Variants in OR52N4 observed in about 807,000 individuals in gnomAD.
The protein encoded by OR52N4 is olfactory receptor 52N4.
In OR52N4, 15 loss-of-function variants were observed where a neutral mutation model predicts 15.0. That is an observed-to-expected ratio of 1.00 (90% CI 0.67 to 1.54). OR52N4 has a LOEUF of 1.54. Ranked by LOEUF, OR52N4 falls within the 40% of genes most tolerant of loss-of-function variation. OR52N4 has a pLI of 0.00. For missense variants in OR52N4, 421 were observed against 394.0 expected (o/e 1.07, Z -0.58); for synonymous variants, 143 against 143.7 (o/e 1.00, Z 0.03).
chr11:5,745,980 G>C, the OR52N4 span, among the ~76,000 whole-genome samples: 2 of 152,226 alleles, frequency 1.3e-5, no homozygotes, highest in Admixed American at 6.5e-5. Context: ...AAACAGAATA[G>C]AGTATTCAGA....
upstream of OR52N4, among the ~76,000 whole-genome samples, chr11:5,750,221 A>G (rs1854161787): frequency 6.6e-6 from 1 of 152,002 alleles, no homozygotes; most frequent in Non-Finnish European, 1.5e-5. Flanking sequence ...ACCTACTTCT[A>G]ACACATGGAT....
At chr11:5,735,349 A>G in the OR52N4 span, among the ~76,000 whole-genome samples, 1 of 152,094 alleles carries the variant, frequency 6.6e-6, no homozygotes, top group African/African-American at 2.4e-5. Flanking sequence ...TGCAAAATAA[A>G]GGATTGTAAT....
the OR52N4 span, chr11:5,736,330 A>G: frequency 0.39 from 227,965 of 590,104 alleles, 47,697 homozygotes; most frequent in Non-Finnish European, 0.45. Context: ...TTAGTTAATA[A>G]ACCTCTGCAT....
chr11:5,737,537 G>T, the OR52N4 span: 2 of 1,529,084 alleles, frequency 1.3e-6, no homozygotes, highest in African/African-American at 2.8e-5. Flanking sequence ...TCCTAAACTG[G>T]ATAGTAAAAT....
At chr11:5,731,556 A>C in the OR52N4 span, among the ~76,000 whole-genome samples, 3 of 152,192 alleles carry the variant, frequency 2.0e-5, no homozygotes, top group East Asian at 1.9e-4. Context: ...CATTTCCCTA[A>C]AACATTACCA....
At chr11:5,728,843 G>A in the OR52N4 span, among the ~76,000 whole-genome samples, 91 of 152,286 alleles carry the variant, frequency 6.0e-4, 2 homozygotes, top group Non-Finnish European at 3.1e-4. Context: ...TATAGGGAGA[G>A]TACTAGTATA....
chr11:5,754,525 ATTAAT>A, intron 1 of OR52N4, among the ~76,000 whole-genome samples, 163 bp from the exon 2 acceptor site: 1 of 146,240 alleles, frequency 6.8e-6, no homozygotes, highest in African/African-American at 2.5e-5. Flanking sequence ...TACTGAATCA[ATTAAT>A]TAATCAATCA....
the OR52N4 span, among the ~76,000 whole-genome samples, chr11:5,748,275 G>C: frequency 6.6e-6 from 1 of 151,868 alleles, no homozygotes; most frequent in Non-Finnish European, 1.5e-5. Context: ...ATAACTTCAA[G>C]TGTTAGAACT....
chr11:5,754,480 G>A (rs1854255027), intron 1 of OR52N4, among the ~76,000 whole-genome samples, 175 bp downstream of exon 1: 1 of 152,070 alleles, frequency 6.6e-6, no homozygotes, highest in South Asian at 2.1e-4. Context: ...ATTGGCATCT[G>A]TGTTGAAAAC....
At position 5,755,710 on chromosome 11, in the gene OR52N4, A is replaced by T. The variant is rs1310779292; in HGVS notation, c.*4A>T. 1 of 1,610,634 alleles carries T rather than the reference A, an allele frequency of 6.2e-7. No homozygotes were observed. The stretch of plus-strand genomic sequence containing the variant: ...TACCAAATCCTACAGCATGTGAATG[A>T]ACACTTGCCAGGAGTGAGAAGAGAA... On this transcript the variant is annotated 3_prime_UTR_variant, in exon 2 of 2. Coordinates refer to ENST00000641350, the MANE Select transcript of OR52N4 (RefSeq NM_001005175.5).
At chr11:5,738,623 C>T in the OR52N4 span, 1 of 152,010 alleles carries the variant, frequency 6.6e-6, no homozygotes, top group Admixed American at 6.5e-5. Context: ...GCTACTCATC[C>T]ACTACTACTA....
At chr11:5,740,554 A>G in the OR52N4 span, among the ~76,000 whole-genome samples, 1 of 127,034 alleles carries the variant, frequency 7.9e-6, no homozygotes, top group Non-Finnish European at 1.7e-5. Flanking sequence ...TCATGCCTCT[A>G]ATCTTAGTAT....
upstream of OR52N4, among the ~76,000 whole-genome samples, chr11:5,752,965 T>G (rs1410769865): frequency 6.6e-6 from 1 of 152,234 alleles, no homozygotes; most frequent in Non-Finnish European, 1.5e-5. Flanking sequence ...ATATTATGCA[T>G]ATAGTCATAG....
the OR52N4 span, among the ~76,000 whole-genome samples, chr11:5,730,047 T>A: frequency 6.6e-6 from 1 of 152,180 alleles, no homozygotes; most frequent in Non-Finnish European, 1.5e-5. Context: ...TGATTTTTTT[T>A]AAATGAAAGT....
At chr11:5,731,800 T>C in the OR52N4 span, among the ~76,000 whole-genome samples, 1 of 152,144 alleles carries the variant, frequency 6.6e-6, no homozygotes, top group South Asian at 2.1e-4. Context: ...CAACAATCTA[T>C]TTTTCTCTCT....
the OR52N4 span, among the ~76,000 whole-genome samples, chr11:5,748,147 T>C: frequency 1.3e-5 from 2 of 151,960 alleles, no homozygotes; most frequent in African/African-American, 4.8e-5. Context: ...AGTTTTATAA[T>C]GTTAAATTAA....
chr11:5,749,028 C>T, the OR52N4 span, among the ~76,000 whole-genome samples: 2 of 151,946 alleles, frequency 1.3e-5, no homozygotes, highest in Non-Finnish European at 1.5e-5. Context: ...TCTTAAATAT[C>T]CCCTTGGGAC....
chr11:5,751,552 G>C (rs1266258072), upstream of OR52N4, among the ~76,000 whole-genome samples: 10 of 151,870 alleles, frequency 6.6e-5, no homozygotes, highest in Admixed American at 6.6e-4. Context: ...GGTAAAAACC[G>C]CAATTATGTT....
At position 5,754,955 on chromosome 11, in the gene OR52N4, A is replaced by T; in HGVS notation, c.215A>T (p.Asp72Val). The change falls in exon 2 of 2, where the codon GAC becomes GTC. Residue 72 changes from aspartate to valine, a missense_variant. Coordinates refer to ENST00000641350, the MANE Select transcript of OR52N4 (RefSeq NM_001005175.5). ...YYFLAMLSFT[D>V]LVMCSSTIPK... ...TTCTTGGCCATGCTTTCCTTTACTG[A>T]CCTTGTTATGTGCTCTAGTACAATC... is the stretch of plus-strand genomic sequence containing the variant. The T allele has an allele frequency of 6.2e-7, 1 of 1,613,556 alleles. No individual in the cohort carries two copies.
Sources: allele counts gnomAD v4.1 joint callset (sites outside exome capture counted in the v4.1 genomes callset), GRCh38; gene constraint gnomAD v4.1.1; transcripts MANE v1.5; gene names NCBI Gene and HGNC (gene_info 2026-07-23, HGNC 2026-07-21).